Variants in TUSC3 observed in about 807,000 individuals in gnomAD.
TUSC3 encodes the protein tumor suppressor candidate 3.
TUSC3 carries 45 observed loss-of-function variants against 44.8 expected under a neutral mutation model. The observed-to-expected ratio is 1.00, with a 90% CI of 0.79 to 1.29. The LOEUF is 1.29. Among genes scored for constraint, TUSC3 ranks in the 50% most tolerant of loss-of-function variants. The pLI, the probability that TUSC3 is intolerant of heterozygous loss-of-function variation, is 0.00. For missense variants in TUSC3, 519 were observed against 437.9 expected, an observed-to-expected ratio of 1.19 and a Z score of -1.65; for synonymous variants, 212 against 152.9, an observed-to-expected ratio of 1.39 and a Z score of -2.85.
chr8:15,806,091 C>G, the TUSC3 span: 3 of 330,552 alleles, frequency 9.1e-6, no homozygotes, highest in African/African-American at 4.3e-5. Context: ...TTCAACAAAG[C>G]TGAGCTGTAC....
At chr8:15,830,911 A>G in the TUSC3 span, among the ~76,000 whole-genome samples, 1 of 152,358 alleles carries the variant, frequency 6.6e-6, no homozygotes, top group Non-Finnish European at 1.5e-5. Context: ...TATAAAAATT[A>G]AAACAATTAA....
chr8:15,726,862 T>A (rs1338522879), intron 6 of TUSC3, among the ~76,000 whole-genome samples: 1 of 152,084 alleles, frequency 6.6e-6, no homozygotes. Context: ...TAAAAAACAT[T>A]TATATTAATG....
chr8:15,628,250 GTATT>G (rs780700763), intron 2 of TUSC3, among the ~76,000 whole-genome samples: 26 of 151,838 alleles, frequency 1.7e-4, no homozygotes, highest in African/African-American at 5.6e-4. Flanking sequence ...TATTATCTAA[GTATT>G]TATTTCACTG....
In TUSC3 at chr8:15,446,403, T is replaced by C. The variant is rs565190628; in HGVS notation, n.91+29098T>C. Among the ~76,000 whole-genome samples the C allele has an allele frequency of 8.6e-5, 13 of 151,436 alleles. No homozygotes were observed. In the East Asian group the frequency reaches 2.2e-3, roughly 25 times the overall value. Reference sequence around the variant, plus strand: ...GCTGGGAGGTGGAGGTTGTAGCGAGTCGAGATCACGCCACTGCACTCCAGC... The same window carrying C: ...GCTGGGAGGTGGAGGTTGTAGCGAGCCGAGATCACGCCACTGCACTCCAGC... On this transcript the variant is annotated intron_variant and non_coding_transcript_variant, in intron 1 of 5. Transcript: ENST00000503191.
At chr8:15,664,097 T>C (rs191797345) in intron 5 of TUSC3, among the ~76,000 whole-genome samples, 6 of 151,892 alleles carry the variant, frequency 4.0e-5, no homozygotes, top group Admixed American at 2.6e-4. Context: ...CTTTTTTCTT[T>C]GGGGTATGCT....
At position 15,731,548 on chromosome 8, in the gene TUSC3, A is replaced by G. The variant is rs1810723426; in HGVS notation, c.862+819A>G. 1.3e-5 allele frequency among the ~76,000 whole-genome samples: 2 copies of G among 152,130 alleles called. 1 individual carries two copies. Among genetic ancestry groups the G allele is most frequent in the South Asian group, 4.1e-4 (2 of 4,826 alleles). On this transcript the variant is annotated intron_variant, in intron 7 of 10. Coordinates refer to ENST00000503731, the MANE Select transcript of TUSC3 (RefSeq NM_006765.4). ...TCATCTAGGCCAAACCTCATTTTAT[A>G]TGTAGGAACACTAGAGCCCACAAAG...
chr8:15,472,736 G>A (rs1464646413), intron 1 of TUSC3, among the ~76,000 whole-genome samples: 1 of 152,110 alleles, frequency 6.6e-6, no homozygotes, highest in Admixed American at 6.5e-5. Flanking sequence ...TATTTCATAT[G>A]GTGCCGATAA....
At chr8:15,732,774 G>T (rs1392117148) in intron 7 of TUSC3, among the ~76,000 whole-genome samples, 2 of 152,114 alleles carry the variant, frequency 1.3e-5, no homozygotes, top group African/African-American at 2.4e-5. Context: ...CGTTTATATT[G>T]CAGGAGAACG....
At chr8:15,496,207 A>C (rs1450898645) in intron 2 of TUSC3, among the ~76,000 whole-genome samples, 1 of 152,208 alleles carries the variant, frequency 6.6e-6, no homozygotes, top group African/African-American at 2.4e-5. Flanking sequence ...ATCATCTGCT[A>C]CATTTTCTAG....
chr8:15,782,359 G>A, the TUSC3 span, among the ~76,000 whole-genome samples: 1 of 151,988 alleles, frequency 6.6e-6, no homozygotes, highest in Non-Finnish European at 1.5e-5. Flanking sequence ...TGTGCCTGTA[G>A]TCATAGCTAC....
At chr8:15,774,096 T>C in the TUSC3 span, among the ~76,000 whole-genome samples, 1 of 152,090 alleles carries the variant, frequency 6.6e-6, no homozygotes, top group Non-Finnish European at 1.5e-5. Context: ...GGAGAGCAAT[T>C]ACCCATGGTA....
intron 1 of TUSC3, among the ~76,000 whole-genome samples, chr8:15,429,260 G>C (rs1799842360): frequency 6.6e-6 from 1 of 152,152 alleles, no homozygotes; most frequent in Admixed American, 6.5e-5. Flanking sequence ...TGTCAGGTGT[G>C]TCAAAGATCA....
At chr8:15,487,209 A>T (rs1389271700) in intron 2 of TUSC3, among the ~76,000 whole-genome samples, 1 of 152,136 alleles carries the variant, frequency 6.6e-6, no homozygotes, top group South Asian at 2.1e-4. Flanking sequence ...ATCTGACCGT[A>T]TTTCTACTAC....
chr8:15,637,657 T>C (rs1448140815), intron 2 of TUSC3, among the ~76,000 whole-genome samples: 2 of 151,310 alleles, frequency 1.3e-5, no homozygotes, highest in Non-Finnish European at 2.9e-5. Flanking sequence ...TTCTTAAAAC[T>C]TTTTTTTTAC....
At chr8:15,562,156 T>G (rs1371469591) in intron 1 of TUSC3, among the ~76,000 whole-genome samples, 1 of 152,212 alleles carries the variant, frequency 6.6e-6, no homozygotes, top group African/African-American at 2.4e-5. Flanking sequence ...GGCATTTTCT[T>G]ATAACCTAGT....
intron 3 of TUSC3, among the ~76,000 whole-genome samples, chr8:15,652,054 T>G (rs550161088): frequency 6.6e-6 from 1 of 152,336 alleles, no homozygotes; most frequent in African/African-American, 2.4e-5. Context: ...AACTCAACTG[T>G]GTGGCTCCCA....
At chr8:15,695,408 C>T (rs767311469) in intron 6 of TUSC3, among the ~76,000 whole-genome samples, 6 of 152,198 alleles carry the variant, frequency 3.9e-5, no homozygotes, top group African/African-American at 1.4e-4. Flanking sequence ...TTGTCTTCTG[C>T]CATGATTGTG....
At chr8:15,673,900 ATTATGT>A in intron 6 of TUSC3, 64 bp downstream of exon 6, 2 of 1,376,162 alleles carry the variant, frequency 1.5e-6, no homozygotes, top group South Asian at 2.4e-5. Flanking sequence ...GGAATAAGAA[ATTATGT>A]TTAGTATTTA....
At chr8:15,764,059 T>G in intron 10 of TUSC3, 144 bp from the exon 11 acceptor site, 2 of 855,484 alleles carry the variant, frequency 2.3e-6, no homozygotes, top group Non-Finnish European at 3.6e-6. Flanking sequence ...AAAATTGCCC[T>G]GATGTAAAAA....
Sources: gnomAD v4.1 joint callset for allele counts (sites outside exome capture counted in the v4.1 genomes callset) on GRCh38, gnomAD v4.1.1 for gene constraint, MANE v1.5 for transcripts, NCBI Gene and HGNC (gene_info 2026-07-23, HGNC 2026-07-21) for gene names.